GLCE: variants seen among roughly 807,000 people sequenced by gnomAD.
The protein encoded by GLCE is D-glucuronyl C5-epimerase.
GLCE carries 19 observed loss-of-function variants against 47.9 expected under a neutral mutation model. The ratio of observed to expected loss-of-function variants is 0.40; its 90% CI spans 0.28 to 0.58. The LOEUF (loss-of-function observed/expected upper bound fraction) is 0.58, where lower values mean the gene tolerates loss of function less well. Ranked by LOEUF, GLCE falls within the 20% of genes least tolerant of loss-of-function variation. The probability of loss-of-function intolerance (pLI) is 0.48; values close to 1 mark genes in which losing one functional copy is unlikely to be tolerated. For missense variants in GLCE, 556 were observed against 743.3 expected, an observed-to-expected ratio of 0.75 and a Z score of 2.93; for synonymous variants, 245 against 263.4, an observed-to-expected ratio of 0.93 and a Z score of 0.68.
intron 1 of GLCE, among the ~76,000 whole-genome samples, chr15:69,200,442 G>A (rs1350199891): frequency 6.6e-6 from 1 of 152,162 alleles, no homozygotes; most frequent in Non-Finnish European, 1.5e-5. Flanking sequence ...ATTCTGTTGT[G>A]TCGTTTTATA....
intron 2 of GLCE, among the ~76,000 whole-genome samples, chr15:69,245,648 G>A (rs1470080091): frequency 1.3e-5 from 2 of 152,166 alleles, no homozygotes; most frequent in South Asian, 2.1e-4. Flanking sequence ...CAAAATTGGA[G>A]TCAATCCTCC....
chr15:69,197,372 C>T (rs2052009784), intron 1 of GLCE: 1 of 215,988 alleles, frequency 4.6e-6, no homozygotes, highest in Non-Finnish European at 9.6e-6. Context: ...TTTTACACTA[C>T]AGGAATAAAT....
chr15:69,223,831 A>G (rs1360553624), intron 2 of GLCE, among the ~76,000 whole-genome samples: 1 of 151,816 alleles, frequency 6.6e-6, no homozygotes, highest in African/African-American at 2.4e-5. Context: ...CTGATTCTTC[A>G]GCCTGCTCAG....
chr15:69,260,252 GTTTTTTTTTTTTT>G (rs34911776), intron 3 of GLCE, among the ~76,000 whole-genome samples: 2 of 79,248 alleles, frequency 2.5e-5, no homozygotes, highest in South Asian at 6.0e-4. Flanking sequence ...GTCACAACTG[GTTTTTTTTTTTTT>G]TTTTTTTTTT....
chr15:69,266,309 A>G (rs1180658757), intron 4 of GLCE, among the ~76,000 whole-genome samples: 1 of 151,980 alleles, frequency 6.6e-6, no homozygotes. Context: ...ATACACTATC[A>G]TCAGTTCACA....
chr15:69,228,350 G>T, intron 2 of GLCE, among the ~76,000 whole-genome samples: 1 of 152,150 alleles, frequency 6.6e-6, no homozygotes, highest in East Asian at 1.9e-4. Context: ...AAAGTGGGAA[G>T]GGTATACATA....
chr15:69,172,870 T>C (rs2051608577), intron 1 of GLCE, among the ~76,000 whole-genome samples: 1 of 152,244 alleles, frequency 6.6e-6, no homozygotes, highest in Non-Finnish European at 1.5e-5. Context: ...AATGACAGAC[T>C]GTATTTAGAA....
intron 3 of GLCE, among the ~76,000 whole-genome samples, chr15:69,260,255 T>C (rs2052993943): frequency 2.2e-5 from 3 of 134,018 alleles, no homozygotes; most frequent in African/African-American, 8.1e-5. Flanking sequence ...ACAACTGGTT[T>C]TTTTTTTTTT....
chr15:69,183,497 T>C (rs764532116), intron 1 of GLCE, among the ~76,000 whole-genome samples: 24 of 152,238 alleles, frequency 1.6e-4, no homozygotes, highest in Non-Finnish European at 3.4e-4. Context: ...GTGTGGGCTC[T>C]AGACTGATAC....
rs138674787 is a variant in GLCE, at chr15:69,247,146, A to G, written c.-13-8648A>G. Among the ~76,000 whole-genome samples the G allele has an allele frequency of 4.7e-3, 709 of 152,332 alleles. 7 individuals carry two copies. Among genetic ancestry groups the G allele is most frequent in the African/African-American group, 0.015 (615 of 41,576 alleles). On this transcript the variant is annotated intron_variant, in intron 2 of 4. Coordinates refer to ENST00000261858, the MANE Select transcript of GLCE (RefSeq NM_015554.3). Reference sequence around the variant, plus strand: ...GCCAGGCATTGACTTCTCTCTAGCTATGAAAGTCCTAGATGGCATCTTCTT... The same window carrying G: ...GCCAGGCATTGACTTCTCTCTAGCTGTGAAAGTCCTAGATGGCATCTTCTT...
Position 69,261,254 on chromosome 15 carries a change from G to C in GLCE, c.754G>C (p.Val252Leu), listed in dbSNP as rs1335188788. The change falls in exon 4 of 5, where the codon GTG becomes CTG. Residue 252 changes from valine to leucine, a missense_variant. Around this residue, in one of 3 missense-constraint regions of GLCE, gnomAD observed 237 missense variants for 310.9 expected, o/e 0.76. Coordinates refer to ENST00000261858, the MANE Select transcript of GLCE (RefSeq NM_015554.3). Reference sequence around the variant, plus strand: ...CAAAAACAAGCCTAATGACTGGACTGTGCCAAAGGGCTGCTTTATGGCGAA... The same window carrying C: ...CAAAAACAAGCCTAATGACTGGACTCTGCCAAAGGGCTGCTTTATGGCGAA... ...RDKNKPNDWT[V>L]PKGCFMANVA... is the part of the protein sequence containing the mutation. The C allele has an allele frequency of 5.6e-6, 9 of 1,613,916 alleles. No individual in the cohort carries two copies. The highest frequency in any genetic ancestry group is 5.0e-5 in the Admixed American group (3 of 60,008).
In GLCE at chr15:69,268,237, T is replaced by C. The variant is rs1373661127; in HGVS notation, c.847T>C (p.Ser283Pro). 6.2e-7 allele frequency: 1 copy of C among 1,605,118 alleles called. No homozygotes were observed. Among genetic ancestry groups the C allele is most frequent in the Non-Finnish European group, 8.5e-7 (1 of 1,175,166 alleles). ...CCCTACAGAAACCAGTGAAGGTGTA[T>C]CCTTGCAACTGGGAAACACAAAAGA... ...FIAPETSEGVSLQLGNTKDFI... is the reference protein window; with the variant it reads ...FIAPETSEGVPLQLGNTKDFI... Residue 283 changes from serine to proline, a missense_variant, in exon 5 of 5, where the codon TCC (serine) becomes CCC (proline). Physicochemically the swap from Ser to Pro is moderately conservative, Grantham distance 74. Transcript: ENST00000261858.
In GLCE at chr15:69,241,010, A is replaced by G. The variant is rs143121194; in HGVS notation, c.-13-14784A>G. On this transcript the variant is annotated intron_variant, in intron 2 of 4. Transcript: ENST00000261858. ...CAGGAAAAATTAATGAAAACAGCCT[A>G]ACAACTAAAGCTATTCTGGCGAAAC... 2.0e-3 allele frequency among the ~76,000 whole-genome samples: 301 copies of G among 152,348 alleles called. 2 individuals carry two copies. Among genetic ancestry groups the G allele is most frequent in the Admixed American group, 0.015 (229 of 15,306 alleles).
At chr15:69,197,158 C>A in intron 1 of GLCE, 1 of 395,608 alleles carries the variant, frequency 2.5e-6, no homozygotes, top group Non-Finnish European at 5.1e-6. Context: ...ACAACAATGC[C>A]TGACAATGCG....
chr15:69,246,172 A>G (rs931932538), intron 2 of GLCE, among the ~76,000 whole-genome samples: 3 of 152,124 alleles, frequency 2.0e-5, no homozygotes, highest in African/African-American at 7.2e-5. Flanking sequence ...TGCTGTTTTC[A>G]CCACATCTGT....
In GLCE at chr15:69,216,076, T is replaced by C. The variant is rs191943484; in HGVS notation, c.-14+5670T>C. ...TTCCAAGGGAAGGTATGTATAGTTT[T>C]ATATAGGTGAGTATTTGAATGATAA... On this transcript the variant is annotated intron_variant, in intron 2 of 4. Coordinates refer to ENST00000261858, the MANE Select transcript of GLCE (RefSeq NM_015554.3). Among the ~76,000 whole-genome samples, 11 of 152,284 alleles carry C rather than the reference T, an allele frequency of 7.2e-5. No homozygotes were observed. In the East Asian group the frequency reaches 1.9e-3, roughly 27 times the overall value.
chr15:69,258,098 G>A (rs1400988068), intron 3 of GLCE, among the ~76,000 whole-genome samples: 1 of 151,786 alleles, frequency 6.6e-6, no homozygotes, highest in African/African-American at 2.4e-5. Context: ...TGTCACCCAG[G>A]TATTAAGCCT....
At chr15:69,176,313 T>A (rs1164077329) in intron 1 of GLCE, among the ~76,000 whole-genome samples, 1 of 129,962 alleles carries the variant, frequency 7.7e-6, no homozygotes, top group African/African-American at 2.9e-5. Context: ...AACCTCCACC[T>A]CCTGGGTTCA....
chr15:69,205,409 T>C (rs2052136397), intron 1 of GLCE, among the ~76,000 whole-genome samples: 1 of 152,144 alleles, frequency 6.6e-6, no homozygotes, highest in South Asian at 2.1e-4. Flanking sequence ...TGGAGGACAT[T>C]TGAGTTGTTT....
Sources: gnomAD v4.1 joint callset for allele counts (sites outside exome capture counted in the v4.1 genomes callset) on GRCh38, gnomAD v4.1.1 for gene constraint, gnomAD v4.1.1 regional missense constraint, MANE v1.5 for transcripts, NCBI Gene and HGNC (gene_info 2026-07-23, HGNC 2026-07-21) for gene names.